AKR1B1: variants seen among roughly 807,000 people sequenced by gnomAD.
The protein encoded by AKR1B1 is aldo-keto reductase family 1 member B.
In AKR1B1, 22 loss-of-function variants were observed where a neutral mutation model predicts 40.4. The ratio of observed to expected loss-of-function variants is 0.54; its 90% CI spans 0.39 to 0.78. The LOEUF (loss-of-function observed/expected upper bound fraction) is 0.78, where lower values mean the gene tolerates loss of function less well. Among genes scored for constraint, AKR1B1 ranks in the 30% least tolerant of loss-of-function variants. The pLI, the probability that AKR1B1 is intolerant of heterozygous loss-of-function variation, is 0.00. For missense variants in AKR1B1, 357 were observed against 396.7 expected (o/e 0.90, Z 0.85); for synonymous variants, 157 against 149.9 (o/e 1.05, Z -0.35).
chr7:134,446,581 GCC>G (rs3216672), intron 8 of AKR1B1, among the ~76,000 whole-genome samples: 57,297 of 151,752 alleles, frequency 0.38, 13,010 homozygotes, highest in East Asian at 0.83. Context: ...CTTTGGGCGT[GCC>G]CCCCCCCTCC....
chr7:134,442,833 C>T, intron 9 of AKR1B1, 63 bp from the exon 10 acceptor site: 1 of 1,460,058 alleles, frequency 6.8e-7, no homozygotes, highest in Non-Finnish European at 9.6e-7. Context: ...TACCCAACTC[C>T]CAACAGAGAA....
At chr7:134,450,685 A>G (rs1806255727) in intron 3 of AKR1B1, 101 bp downstream of exon 3, 3 of 893,424 alleles carry the variant, frequency 3.4e-6, no homozygotes, top group Non-Finnish European at 5.7e-6. Flanking sequence ...GAGCAGCAAG[A>G]ACAGAAAGTC....
At chr7:134,451,036 C>G in intron 2 of AKR1B1, 134 bp from the exon 3 acceptor site, 1 of 751,518 alleles carries the variant, frequency 1.3e-6, no homozygotes, top group African/African-American at 1.7e-5. Context: ...GAGGGCATTT[C>G]CACTGCGTAC....
At chr7:134,455,219 A>T (rs1408734781) in intron 1 of AKR1B1, among the ~76,000 whole-genome samples, 1 of 151,644 alleles carries the variant, frequency 6.6e-6, no homozygotes, top group Non-Finnish European at 1.5e-5. Context: ...GGGCAAAAAA[A>T]CCCCCCTCAG....
intron 1 of AKR1B1, among the ~76,000 whole-genome samples, 192 bp downstream of exon 1, chr7:134,458,805 G>A (rs1585721706): frequency 6.6e-6 from 1 of 152,080 alleles, no homozygotes; most frequent in Non-Finnish European, 1.5e-5. Flanking sequence ...GGGCCAACCC[G>A]GGGAGCCAAG....
chr7:134,444,548 T>A (rs1217135709), intron 9 of AKR1B1, among the ~76,000 whole-genome samples: 1 of 152,168 alleles, frequency 6.6e-6, no homozygotes, highest in Non-Finnish European at 1.5e-5. Context: ...CAGACAAGAA[T>A]AAGGGTAGTG....
intron 2 of AKR1B1, 166 bp from the exon 3 acceptor site, chr7:134,451,068 C>A: frequency 1.4e-6 from 1 of 696,992 alleles, no homozygotes; most frequent in Non-Finnish European, 2.6e-6. Flanking sequence ...TTTCCAAAGG[C>A]AGGCAGGATG....
intron 7 of AKR1B1, 114 bp from the exon 8 acceptor site, chr7:134,447,495 C>G (rs1169387057): frequency 1.1e-6 from 1 of 899,164 alleles, no homozygotes; most frequent in African/African-American, 1.6e-5. Context: ...CACAGGTGAT[C>G]AGAGAGGGGC....
At chr7:134,454,796 A>AG (rs1434572051) in intron 1 of AKR1B1, among the ~76,000 whole-genome samples, 2 of 152,230 alleles carry the variant, frequency 1.3e-5, no homozygotes, top group African/African-American at 4.8e-5. Context: ...TCCTGGAGCA[A>AG]GGAACAGGAA....
At chr7:134,451,142 G>C (rs1253295704) in intron 2 of AKR1B1, among the ~76,000 whole-genome samples, 3 of 152,218 alleles carry the variant, frequency 2.0e-5, no homozygotes, top group African/African-American at 7.2e-5. Flanking sequence ...AGATTGGCTA[G>C]CCTGCCCTAG....
intron 2 of AKR1B1, 196 bp downstream of exon 2, chr7:134,451,390 T>C (rs1806282389): frequency 1.4e-6 from 1 of 691,342 alleles, no homozygotes; most frequent in Non-Finnish European, 2.5e-6. Context: ...TGGGCCCAGA[T>C]GGAATGACCA....
At chr7:134,451,869 A>G (rs1468347410) in intron 1 of AKR1B1, 116 bp from the exon 2 acceptor site, 3 of 1,139,044 alleles carry the variant, frequency 2.6e-6, no homozygotes, top group Non-Finnish European at 2.6e-6. Flanking sequence ...CAGCAAAGAC[A>G]GACCACGTGC....
chr7:134,447,869 C>T, intron 7 of AKR1B1, 111 bp downstream of exon 7: 1 of 962,460 alleles, frequency 1.0e-6, no homozygotes, highest in Admixed American at 2.0e-5. Context: ...GACCCCTAAC[C>T]ATACTTCCTG....
intron 8 of AKR1B1, among the ~76,000 whole-genome samples, chr7:134,445,956 G>A (rs1375416558): frequency 6.6e-6 from 1 of 152,220 alleles, no homozygotes; most frequent in African/African-American, 2.4e-5. Flanking sequence ...GCACCACTGG[G>A]TGAGACCCAC....
At chr7:134,449,531 G>A (rs1254642957) in intron 4 of AKR1B1, 189 bp downstream of exon 4, 8 of 623,550 alleles carry the variant, frequency 1.3e-5, no homozygotes, top group South Asian at 5.8e-5. Flanking sequence ...AGCTTGCAGT[G>A]AGCCGAGATT....
At position 134,449,804 on chromosome 7, in the gene AKR1B1, T is replaced by A. The variant is rs748913655; in HGVS notation, c.352-7A>T. On this transcript the variant is annotated splice_region_variant and splice_polypyrimidine_tract_variant and intron_variant, in intron 3 of 9. Coordinates refer to ENST00000285930, the MANE Select transcript of AKR1B1 (RefSeq NM_001628.4). ...GGAAAAATTCCTTCCCAGGCTGTCA[T>A]TACAATAAAAAACAAACAAACAAAA... The A allele has an allele frequency of 1.2e-6, 2 of 1,612,546 alleles. No individual in the cohort carries two copies. Among genetic ancestry groups the A allele is most frequent in the South Asian group, 2.2e-5 (2 of 91,054 alleles).
intron 1 of AKR1B1, among the ~76,000 whole-genome samples, chr7:134,453,250 G>A (rs1238680242): frequency 3.3e-5 from 5 of 152,302 alleles, no homozygotes; most frequent in Non-Finnish European, 7.3e-5. Context: ...GGCACACTCC[G>A]CAGGCTCAGC....
chr7:134,456,111 C>G (rs1806462577), intron 1 of AKR1B1, among the ~76,000 whole-genome samples: 1 of 152,246 alleles, frequency 6.6e-6, no homozygotes, highest in African/African-American at 2.4e-5. Flanking sequence ...GCAGGGCCTC[C>G]TCCAGCTGTC....
intron 4 of AKR1B1, chr7:134,449,454 G>A (rs1806215988): frequency 1.7e-6 from 1 of 571,574 alleles, no homozygotes; most frequent in Non-Finnish European, 3.1e-6. Flanking sequence ...GGGCGTGGTG[G>A]CGGGCACCTG....
Sources: gnomAD v4.1 joint callset for allele counts (sites outside exome capture counted in the v4.1 genomes callset) on GRCh38, gnomAD v4.1.1 for gene constraint, MANE v1.5 for transcripts, NCBI Gene and HGNC (gene_info 2026-07-23, HGNC 2026-07-21) for gene names.